GPC6: variants seen among roughly 807,000 people sequenced by gnomAD.
GPC6 encodes glypican 6.
A neutral mutation model predicts 55.2 loss-of-function variants in GPC6; 14 were observed. That is an observed-to-expected ratio of 0.25 (90% confidence interval 0.17 to 0.40). GPC6 has a LOEUF of 0.40. Among genes scored for constraint, GPC6 ranks in the 10% least tolerant of loss-of-function variants. GPC6 has a pLI of 1.00. For synonymous variants in GPC6, 278 were observed against 259.6 expected, an observed-to-expected ratio of 1.07 and a Z score of -0.68; for missense variants, 641 against 708.5, an observed-to-expected ratio of 0.90 and a Z score of 1.08.
chr13:93,781,964 CT>C (rs1277695860), intron 2 of GPC6, among the ~76,000 whole-genome samples: 2 of 151,978 alleles, frequency 1.3e-5, no homozygotes, highest in African/African-American at 4.8e-5. Context: ...TTAAAATCTA[CT>C]TTTTTTAGCT....
chr13:93,487,517 TA>T (rs1361844044), intron 1 of GPC6, among the ~76,000 whole-genome samples: 2 of 152,188 alleles, frequency 1.3e-5, no homozygotes, highest in Non-Finnish European at 2.9e-5. Flanking sequence ...AACCCTTGGG[TA>T]ACATGAGTGT....
intron 4 of GPC6, among the ~76,000 whole-genome samples, chr13:94,033,988 C>T (rs9516332): frequency 0.14 from 20,998 of 152,024 alleles, 1,749 homozygotes; most frequent in East Asian, 0.34. Context: ...CTTGAGCATT[C>T]GTGAAAGCAC....
At chr13:93,336,333 C>T (rs1484486538) in intron 1 of GPC6, among the ~76,000 whole-genome samples, 1 of 152,174 alleles carries the variant, frequency 6.6e-6, no homozygotes, top group East Asian at 1.9e-4. Context: ...TCTTTGTCTT[C>T]CCCTGGTAGG....
chr13:94,249,544 C>A (rs1166758556), intron 4 of GPC6, among the ~76,000 whole-genome samples: 1 of 152,106 alleles, frequency 6.6e-6, no homozygotes, highest in East Asian at 1.9e-4. Flanking sequence ...TTAATCATTT[C>A]ATCTAACCAT....
At chr13:93,575,409 T>C (rs80122876) in intron 2 of GPC6, among the ~76,000 whole-genome samples, 5,819 of 152,242 alleles carry the variant, frequency 0.038, 174 homozygotes, top group Non-Finnish European at 0.056. Context: ...AACCGGAGTG[T>C]GTTACAGAAT....
intron 4 of GPC6, among the ~76,000 whole-genome samples, chr13:94,177,782 T>G (rs1225558272): frequency 6.6e-6 from 1 of 152,166 alleles, no homozygotes; most frequent in Non-Finnish European, 1.5e-5. Flanking sequence ...AAGTTGACAG[T>G]ATTTTTAAAT....
At chr13:93,451,899 A>G (rs1425860465) in intron 1 of GPC6, among the ~76,000 whole-genome samples, 1 of 152,200 alleles carries the variant, frequency 6.6e-6, no homozygotes, top group Non-Finnish European at 1.5e-5. Context: ...ATACCAGAGC[A>G]GTGTATTTCA....
intron 6 of GPC6, among the ~76,000 whole-genome samples, chr13:94,344,224 A>G (rs1305576515): frequency 2.0e-5 from 3 of 152,254 alleles, no homozygotes; most frequent in Admixed American, 6.5e-5. Flanking sequence ...TTGATATTTT[A>G]TTTATCACAT....
intron 2 of GPC6, among the ~76,000 whole-genome samples, chr13:93,814,092 C>A (rs1361788819): frequency 1.3e-5 from 2 of 152,038 alleles, no homozygotes; most frequent in East Asian, 3.9e-4. Flanking sequence ...TCATATGTGG[C>A]AGAAGGTAAT....
At chr13:93,431,690 A>T (rs1170395271) in intron 1 of GPC6, among the ~76,000 whole-genome samples, 1 of 152,190 alleles carries the variant, frequency 6.6e-6, no homozygotes, top group Non-Finnish European at 1.5e-5. Flanking sequence ...TGAGAAGAAT[A>T]TGTATATACT....
chr13:94,000,160 C>T (rs1187866764), intron 3 of GPC6, among the ~76,000 whole-genome samples: 2 of 152,180 alleles, frequency 1.3e-5, no homozygotes, highest in Non-Finnish European at 2.9e-5. Flanking sequence ...CTCCTACTCA[C>T]TCTTCCCTGA....
intron 2 of GPC6, among the ~76,000 whole-genome samples, chr13:93,720,464 T>C (rs1883415285): frequency 1.3e-5 from 2 of 152,044 alleles, no homozygotes; most frequent in African/African-American, 2.4e-5. Context: ...TCTCTTTTCT[T>C]CTTTTTGGTC....
chr13:93,479,611 C>CT lies in GPC6; in HGVS notation c.161-65652_161-65651insT, dbSNP rs556050538. On this transcript the variant is annotated intron_variant, in intron 1 of 8. Coordinates refer to ENST00000377047, the MANE Select transcript of GPC6 (RefSeq NM_005708.5). ...CCAGCCCAGCCAACGTGGTGAGACC[C>CT]CCCCCCATCTCTACTAAAAATAAAA... Among the ~76,000 whole-genome samples, 237 of 141,768 alleles carry CT rather than the reference C, an allele frequency of 1.7e-3. 3 individuals are homozygous for CT. Among genetic ancestry groups the CT allele is most frequent in the Non-Finnish European group, 3.2e-3 (202 of 64,090 alleles). The allele number at this position is 141,768 out of a possible 152,430, so 93.0% of individuals were successfully genotyped here.
rs1469017244 is a variant in GPC6, at chr13:94,113,435, T to C, written c.877+85541T>C. On this transcript the variant is annotated intron_variant, in intron 4 of 8. Coordinates refer to ENST00000377047, the MANE Select transcript of GPC6 (RefSeq NM_005708.5). ...TTTCCTTCTTCTTACCCAGTACTCC[T>C]ATTTCCCAGCAACCCCCATTCACTC... Among the ~76,000 whole-genome samples the C allele has an allele frequency of 2.0e-5, 3 of 152,132 alleles. No individual in the cohort carries two copies. In the East Asian group the frequency reaches 5.8e-4, roughly 29 times the overall value.
intron 2 of GPC6, among the ~76,000 whole-genome samples, chr13:93,633,593 G>A (rs1428792084): frequency 1.3e-5 from 2 of 151,752 alleles, no homozygotes; most frequent in African/African-American, 2.4e-5. Flanking sequence ...CCGAGATGGC[G>A]CCACTGTACT....
chr13:93,561,532 G>A (rs1566424809), intron 2 of GPC6, among the ~76,000 whole-genome samples: 2 of 151,366 alleles, frequency 1.3e-5, no homozygotes, highest in East Asian at 3.9e-4. Flanking sequence ...TCCGCTAATA[G>A]GGCTGGTATT....
intron 2 of GPC6, among the ~76,000 whole-genome samples, chr13:93,726,129 C>T (rs959432622): frequency 3.3e-5 from 5 of 151,176 alleles, no homozygotes; most frequent in African/African-American, 1.2e-4. Flanking sequence ...CACACACACA[C>T]ACACACACAC....
At chr13:93,348,972 A>C (rs1594110974) in intron 1 of GPC6, among the ~76,000 whole-genome samples, 1 of 152,192 alleles carries the variant, frequency 6.6e-6, no homozygotes, top group East Asian at 1.9e-4. Flanking sequence ...CATTCTGCTT[A>C]GAGATGCTTC....
intron 1 of GPC6, among the ~76,000 whole-genome samples, chr13:93,522,064 A>C (rs1271443564): frequency 6.6e-6 from 1 of 151,982 alleles, no homozygotes; most frequent in African/African-American, 2.4e-5. Context: ...TTTAGATAAA[A>C]GTGTGACAGA....
Sources: allele counts gnomAD v4.1 joint callset (sites outside exome capture counted in the v4.1 genomes callset), GRCh38; gene constraint gnomAD v4.1.1; transcripts MANE v1.5; gene names NCBI Gene and HGNC (gene_info 2026-07-23, HGNC 2026-07-21).